The following RTN3 variants were observed in gnomAD, a reference collection of about 807,000 sequenced individuals.
RTN3 encodes reticulon 3.
A neutral mutation model predicts 77.8 loss-of-function variants in RTN3; 49 were observed. The observed-to-expected ratio is 0.63, with a 90% confidence interval of 0.50 to 0.80. The LOEUF (loss-of-function observed/expected upper bound fraction) is 0.80, where lower values mean the gene tolerates loss of function less well. Ranked by LOEUF, RTN3 falls within the 30% of genes least tolerant of loss-of-function variation. RTN3 has a pLI of 0.00. For missense variants in RTN3, 1,236 were observed against 1,211.9 expected, an observed-to-expected ratio of 1.02 and a Z score of -0.29; for synonymous variants, 464 against 446.9, an observed-to-expected ratio of 1.04 and a Z score of -0.48.
At chr11:63,698,463 G>A (rs1211306521) in intron 1 of RTN3, 3 of 152,242 alleles carry the variant, frequency 2.0e-5, no homozygotes, top group African/African-American at 7.2e-5. Context: ...CAATGGCTTT[G>A]ACTCTTAACC....
chr11:63,744,871 A>T (rs927976199), intron 3 of RTN3, among the ~76,000 whole-genome samples: 4 of 152,192 alleles, frequency 2.6e-5, no homozygotes, highest in Non-Finnish European at 5.9e-5. Context: ...GCACGCCTAT[A>T]GTCCTAGCTA....
intron 3 of RTN3, among the ~76,000 whole-genome samples, chr11:63,743,889 G>A (rs570711954): frequency 1.1e-4 from 16 of 151,932 alleles, no homozygotes; most frequent in Admixed American, 3.9e-4. Flanking sequence ...GCACTTCAGC[G>A]TGGGCAACAC....
At chr11:63,685,816 A>G (rs184061421) in intron 1 of RTN3, among the ~76,000 whole-genome samples, 3 of 152,350 alleles carry the variant, frequency 2.0e-5, no homozygotes, top group East Asian at 1.9e-4. Flanking sequence ...GGTGTCCTAC[A>G]GAAAACAATT....
intron 1 of RTN3, among the ~76,000 whole-genome samples, chr11:63,689,945 A>G (rs1243900961): frequency 6.6e-6 from 1 of 151,892 alleles, no homozygotes; most frequent in Non-Finnish European, 1.5e-5. Flanking sequence ...TTTAGTAGAG[A>G]TGGGGTTTCA....
intron 3 of RTN3, among the ~76,000 whole-genome samples, chr11:63,735,619 T>A (rs1014187760): frequency 7.1e-6 from 1 of 141,736 alleles, no homozygotes; most frequent in African/African-American, 2.6e-5. Context: ...AACCCCTGTT[T>A]CCTGGGCTCA....
chr11:63,718,727 T>C lies in RTN3; in HGVS notation c.225T>C (p.Asp75=). ...AGGGATTGAGCTCTCTTTGCTCTGA[T>C]GAGCCATCTTCAGAAATTATGACTT... ...SQEGLSSLCS[D]EPSSEIMTSS... The change falls in exon 3 of 9, where the codon GAT becomes GAC. Residue 75 remains aspartate (D), a synonymous_variant. Coordinates refer to ENST00000377819, the MANE Select transcript of RTN3 (RefSeq NM_001265589.2). 6.3e-7 allele frequency: 1 copy of C among 1,595,770 alleles called. No individual in the cohort carries two copies. The highest frequency in any genetic ancestry group is 8.5e-7 in the Non-Finnish European group (1 of 1,174,602).
chr11:63,683,653 C>T (rs771645903), intron 1 of RTN3, among the ~76,000 whole-genome samples: 1 of 152,168 alleles, frequency 6.6e-6, no homozygotes, highest in Non-Finnish European at 1.5e-5. Context: ...CATACCACAA[C>T]CTAATTGGCA....
intron 3 of RTN3, among the ~76,000 whole-genome samples, chr11:63,725,632 T>G (rs574600701): frequency 6.6e-6 from 1 of 152,136 alleles, no homozygotes; most frequent in Non-Finnish European, 1.5e-5. Flanking sequence ...TTTTGTATTT[T>G]TAGTAGAGTC....
At chr11:63,713,384 A>T (rs2011220607) in intron 2 of RTN3, among the ~76,000 whole-genome samples, 1 of 152,146 alleles carries the variant, frequency 6.6e-6, no homozygotes, top group Non-Finnish European at 1.5e-5. Flanking sequence ...TGCATGGCTC[A>T]CTGCAGCCTC....
chr11:63,729,196 A>G (rs2012501174), intron 3 of RTN3, among the ~76,000 whole-genome samples: 1 of 152,088 alleles, frequency 6.6e-6, no homozygotes, highest in Non-Finnish European at 1.5e-5. Flanking sequence ...TTTTCAGATT[A>G]AAGGAAAGTG....
At chr11:63,737,734 G>T (rs1357593280) in intron 3 of RTN3, among the ~76,000 whole-genome samples, 1 of 152,210 alleles carries the variant, frequency 6.6e-6, no homozygotes, top group East Asian at 1.9e-4. Flanking sequence ...TTATAAATCT[G>T]AAATTGAGGG....
chr11:63,727,424 G>A (rs890824829), intron 3 of RTN3, among the ~76,000 whole-genome samples: 5 of 152,040 alleles, frequency 3.3e-5, no homozygotes, highest in South Asian at 2.1e-4. Flanking sequence ...AGAAGTAAAG[G>A]GAAATATTCT....
At chr11:63,711,973 A>G (rs2011171540) in intron 2 of RTN3, among the ~76,000 whole-genome samples, 1 of 152,182 alleles carries the variant, frequency 6.6e-6, no homozygotes, top group South Asian at 2.1e-4. Flanking sequence ...TTGACATTAC[A>G]GGCATGAGCC....
chr11:63,704,159 C>T (rs1040866434), intron 1 of RTN3, among the ~76,000 whole-genome samples: 6 of 151,752 alleles, frequency 4.0e-5, no homozygotes, highest in Admixed American at 3.3e-4. Flanking sequence ...TGCACTGCCA[C>T]GCCTGGCTAA....
chr11:63,718,275 T>C (rs2011516117), intron 2 of RTN3, among the ~76,000 whole-genome samples: 1 of 152,220 alleles, frequency 6.6e-6, no homozygotes, highest in African/African-American at 2.4e-5. Flanking sequence ...ATTGTTCAGC[T>C]TACAGATTGA....
chr11:63,755,867 G>A (rs1427818313), intron 7 of RTN3, among the ~76,000 whole-genome samples: 2 of 151,856 alleles, frequency 1.3e-5, no homozygotes, highest in Non-Finnish European at 2.9e-5. Context: ...GCTGAGGCAG[G>A]AGAATGGCGT....
chr11:63,756,538 T>C (rs1179711660), intron 8 of RTN3, among the ~76,000 whole-genome samples: 1 of 151,924 alleles, frequency 6.6e-6, no homozygotes, highest in African/African-American at 2.4e-5. Context: ...CTGTGCATGG[T>C]AACACGTGCC....
chr11:63,692,813 G>T (rs1250975580), intron 1 of RTN3, among the ~76,000 whole-genome samples: 2 of 151,742 alleles, frequency 1.3e-5, no homozygotes, highest in Non-Finnish European at 2.9e-5. Flanking sequence ...GACCACTTTG[G>T]TTTTCTTTTT....
At chr11:63,734,688 C>T (rs1389477031) in intron 3 of RTN3, among the ~76,000 whole-genome samples, 2 of 151,638 alleles carry the variant, frequency 1.3e-5, no homozygotes, top group East Asian at 1.9e-4. Context: ...GCCGAGTTCA[C>T]GCTACTGCAC....
Sources: allele counts gnomAD v4.1 joint callset (sites outside exome capture counted in the v4.1 genomes callset), GRCh38; gene constraint gnomAD v4.1.1; transcripts MANE v1.5; gene names NCBI Gene and HGNC (gene_info 2026-07-23, HGNC 2026-07-21).